The following CNBP variants were observed in gnomAD, a reference collection of about 807,000 sequenced individuals.
CNBP encodes cellular nucleic acid-binding protein.
In CNBP, 6 loss-of-function variants were observed where a neutral mutation model predicts 21.2. The ratio of observed to expected loss-of-function variants is 0.28; its 90% confidence interval spans 0.16 to 0.56. CNBP has a LOEUF of 0.56. CNBP is among the 20% of genes least tolerant of loss of function. The pLI, the probability that CNBP is intolerant of heterozygous loss-of-function variation, is 0.93. For missense variants in CNBP, 112 were observed against 233.1 expected, an observed-to-expected ratio of 0.48 and a Z score of 3.38; for synonymous variants, 61 against 74.9, an observed-to-expected ratio of 0.81 and a Z score of 0.96.
At position 129,170,536 on chromosome 3, in the gene CNBP, T is replaced by C; in HGVS notation, c.451A>G (p.Ser151Gly). ...TAACAGTTGACTTCACTTGTCTTGC[T>C]GCAGTTGATGGCTACATGACCAGTT... is the stretch of plus-strand genomic sequence containing the variant. ...GETGHVAINCSKTSEVNCYRC... is the reference protein window; with the variant it reads ...GETGHVAINCGKTSEVNCYRC... The change falls in exon 5 of 5, where the codon AGC (serine) becomes GGC (glycine). Residue 151 changes from serine to glycine, a missense_variant. Transcript: ENST00000422453. 1 of 1,614,232 alleles carries C rather than the reference T, an allele frequency of 6.2e-7. No homozygotes were observed. The highest frequency in any genetic ancestry group is 8.5e-7 in the Non-Finnish European group (1 of 1,180,036).
Position 129,171,627 on chromosome 3 carries a change from A to C in CNBP, c.124+7T>G. The C allele has an allele frequency of 6.2e-7, 1 of 1,614,200 alleles. No homozygotes were observed. Among genetic ancestry groups the C allele is most frequent in the South Asian group, 1.1e-5 (1 of 91,080 alleles). On this transcript the variant is annotated splice_region_variant and intron_variant, in intron 2 of 4. Transcript: ENST00000422453. ...AGTACTTCAAATTTTTCTATTCGACAAAATACCTCTATCCGAGGTAAAACC... is the reference window on the plus strand; with the variant it reads ...AGTACTTCAAATTTTTCTATTCGACCAAATACCTCTATCCGAGGTAAAACC...
chr3:129,170,171 T>A lies in CNBP; in HGVS notation c.*282A>T. The A allele has an allele frequency of 2.6e-6, 1 of 385,618 alleles. No homozygotes were observed. Among genetic ancestry groups the A allele is most frequent in the East Asian group, 3.9e-5 (1 of 25,862 alleles). 23.9% of individuals were successfully genotyped at this position (385,618 alleles called of 1,614,324 possible). A position where few individuals can be genotyped will look rare whatever the true frequency, so the allele number is the denominator to read the frequency against. On this transcript the variant is annotated 3_prime_UTR_variant, in exon 5 of 5. Coordinates refer to ENST00000422453, the MANE Select transcript of CNBP (RefSeq NM_003418.5). ...CCCAGGACGGGCTTACTGGTCTGAC[T>A]CAACTCTTCCCATTCATCAATCCCT...
chr3:129,178,031 T>A (rs557322971), intron 1 of CNBP, among the ~76,000 whole-genome samples: 1 of 152,016 alleles, frequency 6.6e-6, no homozygotes, highest in Admixed American at 6.6e-5. Context: ...TGGTGGTGCA[T>A]GCCTGTAATC....
Position 129,181,649 on chromosome 3 carries a change from C to CAAAAAAAAAA in CNBP, c.-15+2126_-15+2127insTTTTTTTTTT, listed in dbSNP as rs1367375702. On this transcript the variant is annotated intron_variant, in intron 1 of 4. Transcript: ENST00000422453. Reference sequence around the variant, plus strand: ...TGGGCGACAGAGTGAGACTCCGTCTCAGAAAAAAAAAAAGAAAAACCCCTG... The same window carrying CAAAAAAAAAA: ...TGGGCGACAGAGTGAGACTCCGTCTCAAAAAAAAAAAGAAAAAAAAAAAGAAAAACCCCTG... 2.2e-3 allele frequency among the ~76,000 whole-genome samples: 156 copies of CAAAAAAAAAA among 72,212 alleles called. 63 individuals carry two copies. Among genetic ancestry groups the CAAAAAAAAAA allele is most frequent in the South Asian group, 8.0e-3 (15 of 1,874 alleles). The allele number at this position is 72,212 out of a possible 152,430, so 47.4% of individuals were successfully genotyped here.
chr3:129,173,985 C>T (rs1032599768), intron 1 of CNBP, among the ~76,000 whole-genome samples: 1 of 152,144 alleles, frequency 6.6e-6, no homozygotes, highest in Non-Finnish European at 1.5e-5. Context: ...CTTAAAATTA[C>T]ACTGAAGTTG....
At chr3:129,182,864 A>G (rs921569130) in intron 1 of CNBP, among the ~76,000 whole-genome samples, 2 of 152,212 alleles carry the variant, frequency 1.3e-5, no homozygotes, top group Non-Finnish European at 2.9e-5. Flanking sequence ...TAGGGAGTAT[A>G]AACTCTAAAA....
chr3:129,182,858 G>A (rs1284058945), intron 1 of CNBP, among the ~76,000 whole-genome samples: 2 of 152,162 alleles, frequency 1.3e-5, no homozygotes, highest in African/African-American at 2.4e-5. Context: ...CAAGGATAGG[G>A]AGTATAAACT....
rs1415169480 is a variant in CNBP, at chr3:129,172,669, CAGACAGACAGACAGACAGACAG to C, written c.-14-920_-14-899del. ...GCAGGCAGGCAGGCAGACAGACAGA[CAGACAGACAGACAGACAGACAG>C]ACAGACACACACACACACACACACA... On this transcript the variant is annotated intron_variant, in intron 1 of 4. Transcript: ENST00000422453. Among the ~76,000 whole-genome samples the C allele has an allele frequency of 4.7e-3, 462 of 98,930 alleles. 26 individuals are homozygous for C. Among genetic ancestry groups the C allele is most frequent in the African/African-American group, 0.016 (407 of 26,114 alleles). The allele number at this position is 98,930 out of a possible 152,430, so 64.9% of individuals were successfully genotyped here.
At position 129,169,019 on chromosome 3, in the gene CNBP, A is replaced by G. The variant is rs6792159; in HGVS notation, c.*1434T>C. Among the ~76,000 whole-genome samples the G allele has an allele frequency of 0.97, 146,802 of 151,254 alleles. 71,247 individuals are homozygous for G. The highest frequency in any genetic ancestry group is 0.99 in the East Asian group (5,109 of 5,144). On this transcript the variant is annotated 3_prime_UTR_variant, in exon 5 of 5. Coordinates refer to ENST00000422453, the MANE Select transcript of CNBP (RefSeq NM_003418.5). Reference sequence around the variant, plus strand: ...CAGGAGGCTGAGGCAGGAGAATGGCACGAACCCAGGAGGCGGAGCTTGCAG... The same window carrying G: ...CAGGAGGCTGAGGCAGGAGAATGGCGCGAACCCAGGAGGCGGAGCTTGCAG...
At chr3:129,181,101 G>A (rs1241208340) in intron 1 of CNBP, among the ~76,000 whole-genome samples, 4 of 151,020 alleles carry the variant, frequency 2.6e-5, no homozygotes, top group South Asian at 2.1e-4. Flanking sequence ...TTAGCCGGGC[G>A]TGGTGGCACA....
At chr3:129,171,333 A>C (rs1271550032) in intron 3 of CNBP, 56 bp from the exon 4 acceptor site, 4 of 1,608,738 alleles carry the variant, frequency 2.5e-6, no homozygotes, top group Non-Finnish European at 3.4e-6. Context: ...ACAAAGTGTT[A>C]CGTTTTAAAT....
rs1255500467 is a variant in CNBP at position 129,169,402 on chromosome 3, A to G, written c.*1051T>C. The G allele has an allele frequency of 5.2e-6, 1 of 194,082 alleles. No individual in the cohort carries two copies. The highest frequency in any genetic ancestry group is 2.3e-5 in the African/African-American group (1 of 43,124). 12.0% of individuals were successfully genotyped at this position (194,082 alleles called of 1,614,324 possible). A position where few individuals can be genotyped will look rare whatever the true frequency, so the allele number is the denominator to read the frequency against. ...TTTCTATAGCTTTGCAAAAGTATCT[A>G]AATCCCATACATCCTTTTAACAGCA... On this transcript the variant is annotated 3_prime_UTR_variant, in exon 5 of 5. Coordinates refer to ENST00000422453, the MANE Select transcript of CNBP (RefSeq NM_003418.5).
At chr3:129,174,373 A>AAC (rs1937747635) in intron 1 of CNBP, among the ~76,000 whole-genome samples, 2 of 150,366 alleles carry the variant, frequency 1.3e-5, no homozygotes, top group African/African-American at 4.9e-5. Context: ...AAAAAAAAAA[A>AAC]ACGAATGGCG....
chr3:129,178,603 G>T lies in CNBP; in HGVS notation c.-15+5173C>A, dbSNP rs186222959. Among the ~76,000 whole-genome samples, 189 of 152,252 alleles carry T rather than the reference G, an allele frequency of 1.2e-3. 1 individual carries two copies. Among genetic ancestry groups the T allele is most frequent in the Non-Finnish European group, 2.8e-4 (19 of 68,014 alleles). On this transcript the variant is annotated intron_variant, in intron 1 of 4. Coordinates refer to ENST00000422453, the MANE Select transcript of CNBP (RefSeq NM_003418.5). The stretch of plus-strand genomic sequence containing the variant: ...TATATGCTTACTTTTCGCAAGCTCA[G>T]GGTTATCCCTGACTCATTCATGTTG...
chr3:129,183,473 C>A (rs576747898), intron 1 of CNBP, among the ~76,000 whole-genome samples: 5 of 152,274 alleles, frequency 3.3e-5, no homozygotes, highest in African/African-American at 1.2e-4. Context: ...CAAGGGCGCA[C>A]GGGCGGGCCT....
At position 129,168,520 on chromosome 3, in the gene CNBP, G is replaced by C. The variant is rs35661727; in HGVS notation, c.*1933C>G. 6.8e-6 allele frequency among the ~76,000 whole-genome samples: 1 copy of C among 146,876 alleles called. No individual in the cohort carries two copies. The highest frequency in any genetic ancestry group is 1.5e-5 in the Non-Finnish European group (1 of 66,664). The stretch of plus-strand genomic sequence containing the variant: ...GCTGAGGCAGGAGAATTACTTGAAC[G>C]GGGTGTGGGGGTGGGGGGTGGAGGT... On this transcript the variant is annotated 3_prime_UTR_variant, in exon 5 of 5. Transcript: ENST00000422453.
At chr3:129,179,747 G>A (rs1363478139) in intron 1 of CNBP, among the ~76,000 whole-genome samples, 1 of 152,068 alleles carries the variant, frequency 6.6e-6, no homozygotes, top group African/African-American at 2.4e-5. Flanking sequence ...CAAGAGAATC[G>A]CTTGAACCCA....
intron 1 of CNBP, among the ~76,000 whole-genome samples, chr3:129,173,387 G>A (rs1368339549): frequency 6.6e-6 from 1 of 151,996 alleles, no homozygotes; most frequent in Non-Finnish European, 1.5e-5. Flanking sequence ...AGAGATGACT[G>A]TATAATAAAA....
intron 1 of CNBP, among the ~76,000 whole-genome samples, chr3:129,174,918 T>C (rs984217274): frequency 6.6e-6 from 1 of 150,650 alleles, no homozygotes; most frequent in Non-Finnish European, 1.5e-5. Flanking sequence ...AAAACAAGGA[T>C]GGGCACAGTG....
Sources: allele counts gnomAD v4.1 joint callset (sites outside exome capture counted in the v4.1 genomes callset), GRCh38; gene constraint gnomAD v4.1.1; transcripts MANE v1.5; gene names NCBI Gene and HGNC (gene_info 2026-07-23, HGNC 2026-07-21).